Variants in CBLL1 observed in about 807,000 individuals in gnomAD.
CBLL1 encodes Cbl proto-oncogene like 1.
Under a neutral mutation model 44.9 loss-of-function variants are expected in CBLL1, and 4 were observed. The ratio of observed to expected loss-of-function variants is 0.09; its 90% CI spans 0.04 to 0.20. CBLL1 has a LOEUF of 0.20. Among genes scored for constraint, CBLL1 ranks in the 10% least tolerant of loss-of-function variants. The pLI, the probability that CBLL1 is intolerant of heterozygous loss-of-function variation, is 1.00. For synonymous variants in CBLL1, 235 were observed against 202.2 expected (o/e 1.16, Z -1.38); for missense variants, 569 against 636.7 (o/e 0.89, Z 1.14).
At chr7:107,750,177 G>T (rs1762087200) in intron 2 of CBLL1, among the ~76,000 whole-genome samples, 2 of 152,036 alleles carry the variant, frequency 1.3e-5, no homozygotes, top group African/African-American at 4.8e-5. Context: ...TTGAACTCCT[G>T]GACTCAACAG....
rs887747659 is a variant in CBLL1 at position 107,759,232 on chromosome 7, A to G, written c.*54A>G. The G allele has an allele frequency of 6.2e-6, 9 of 1,459,616 alleles. No individual in the cohort carries two copies. The highest frequency in any genetic ancestry group is 4.1e-5 in the Admixed American group (2 of 49,050). 90.4% of individuals were successfully genotyped at this position (1,459,616 alleles called of 1,614,324 possible). A position where few individuals can be genotyped will look rare whatever the true frequency, so the allele number is the denominator to read the frequency against. On this transcript the variant is annotated 3_prime_UTR_variant, in exon 6 of 6. Coordinates refer to ENST00000440859, the MANE Select transcript of CBLL1 (RefSeq NM_024814.4). ...GGGGAAAAAAACTTATGTGTAGTCA[A>G]TCTTTTAAGCTTTGACTGTTTTGGG...
chr7:107,744,221 G>A (rs1349210817), intron 1 of CBLL1, 45 bp downstream of exon 1: 1 of 1,531,202 alleles, frequency 6.5e-7, no homozygotes, highest in South Asian at 1.2e-5. Context: ...AAGCCCCCTT[G>A]GCCGGCCTGG....
intron 2 of CBLL1, among the ~76,000 whole-genome samples, chr7:107,749,552 C>G (rs1021143721): frequency 1.3e-5 from 2 of 149,938 alleles, no homozygotes; most frequent in African/African-American, 4.9e-5. Flanking sequence ...CTTGGACATA[C>G]AGTTTAGTAT....
At chr7:107,744,450 T>TG in intron 1 of CBLL1, 1 of 421,650 alleles carries the variant, frequency 2.4e-6, no homozygotes, top group Non-Finnish European at 4.2e-6. Flanking sequence ...GATGTAGGCC[T>TG]TCGGGAAGGG....
At chr7:107,748,569 A>G (rs1347159601) in intron 1 of CBLL1, among the ~76,000 whole-genome samples, 2 of 152,148 alleles carry the variant, frequency 1.3e-5, no homozygotes, top group Non-Finnish European at 1.5e-5. Flanking sequence ...TCTTGGGTTC[A>G]TTAATGGTTT....
chr7:107,755,680 A>G, intron 5 of CBLL1, 189 bp downstream of exon 5: 1 of 345,056 alleles, frequency 2.9e-6, no homozygotes, highest in Non-Finnish European at 5.4e-6. Context: ...AGCCACTATC[A>G]GTCAACTCAA....
intron 2 of CBLL1, among the ~76,000 whole-genome samples, chr7:107,751,407 A>G (rs1793286920): frequency 7.2e-6 from 1 of 139,284 alleles, no homozygotes; most frequent in African/African-American, 2.6e-5. Context: ...CCTGTATTAA[A>G]AGTATTTTTT....
intron 1 of CBLL1, among the ~76,000 whole-genome samples, chr7:107,745,222 C>A (rs1172564922): frequency 1.3e-5 from 2 of 151,658 alleles, no homozygotes; most frequent in African/African-American, 4.8e-5. Context: ...TTAATGTTTG[C>A]GGATTATTTT....
Position 107,753,620 on chromosome 7 carries a change from T to A in CBLL1, c.282+109T>A, listed in dbSNP as rs572397177. The A allele has an allele frequency of 6.5e-4, 396 of 606,770 alleles. 4 individuals carry two copies. In the African/African-American group the frequency reaches 6.9e-3, roughly 11 times the overall value. 37.6% of individuals were successfully genotyped at this position (606,770 alleles called of 1,614,324 possible). A position where few individuals can be genotyped will look rare whatever the true frequency, so the allele number is the denominator to read the frequency against. ...ACAGTACATTAAGAATATTATGAAC[T>A]TATAACTATGATTTTCAGCACATAC... On this transcript the variant is annotated intron_variant, in intron 3 of 5. Coordinates refer to ENST00000440859, the MANE Select transcript of CBLL1 (RefSeq NM_024814.4).
At chr7:107,757,175 A>G (rs1200935838) in intron 5 of CBLL1, among the ~76,000 whole-genome samples, 1 of 152,210 alleles carries the variant, frequency 6.6e-6, no homozygotes, top group Admixed American at 6.5e-5. Context: ...TTGCTTATAT[A>G]TGTACACACA....
chr7:107,759,295 A>AT lies in CBLL1; in HGVS notation c.*118dup, dbSNP rs1366358051. On this transcript the variant is annotated 3_prime_UTR_variant, in exon 6 of 6. Transcript: ENST00000440859. ...CTCTTATCGAGGTAGTATAAAACAC[A>AT]TAGGGTCTTGTTTCTTAAAATGGTT... 1.2e-6 allele frequency: 1 copy of AT among 843,302 alleles called. No individual in the cohort carries two copies. The highest frequency in any genetic ancestry group is 1.8e-6 in the Non-Finnish European group (1 of 548,926). The allele number at this position is 843,302 out of a possible 1,614,324, so 52.2% of individuals were successfully genotyped here.
At position 107,755,440 on chromosome 7, in the gene CBLL1, G is replaced by A; in HGVS notation, c.389G>A (p.Cys130Tyr). The A allele has an allele frequency of 6.3e-7, 1 of 1,582,436 alleles. No individual in the cohort carries two copies. The highest frequency in any genetic ancestry group is 8.6e-7 in the Non-Finnish European group (1 of 1,163,404). Reference sequence around the variant, plus strand: ...CAGATTCCATGCAAGCATGTTTTTTGCTATGACTGTGCTATTTTACATGAA... The same window carrying A: ...CAGATTCCATGCAAGCATGTTTTTTACTATGACTGTGCTATTTTACATGAA... ...GRMIPCKHVF[C>Y]YDCAILHEKK... is the part of the protein sequence containing the mutation. The change falls in exon 5 of 6, where the codon TGC becomes TAC. Residue 130 changes from cysteine to tyrosine, a missense_variant. Around this residue, in one of 5 missense-constraint regions of CBLL1, gnomAD observed 209 missense variants for 202.8 expected, o/e 1.03. Coordinates refer to ENST00000440859, the MANE Select transcript of CBLL1 (RefSeq NM_024814.4).
chr7:107,748,282 G>GTTTTTACTACTAAATGGTATAATGA (rs1308163163), intron 1 of CBLL1, among the ~76,000 whole-genome samples: 1 of 152,132 alleles, frequency 6.6e-6, no homozygotes, highest in Non-Finnish European at 1.5e-5. Context: ...ATTATTGCAT[G>GTTTTTACTACTAAATGGTATAATGA]TTTTTACTAC....
rs974100565 is a variant in CBLL1 at position 107,760,811 on chromosome 7, A to G, written c.*1633A>G. 6.6e-6 allele frequency: 1 copy of G among 152,206 alleles called. No homozygotes were observed. Among genetic ancestry groups the G allele is most frequent in the African/African-American group, 2.4e-5 (1 of 41,454 alleles). The allele number at this position is 152,206 out of a possible 1,614,324, so 9.4% of individuals were successfully genotyped here. On this transcript the variant is annotated 3_prime_UTR_variant, in exon 6 of 6. Transcript: ENST00000440859. Reference sequence around the variant, plus strand: ...AAACAAATTCTCATCTTGAATGATCAGATGCAAAATCATTTCTGAACCCTA... The same window carrying G: ...AAACAAATTCTCATCTTGAATGATCGGATGCAAAATCATTTCTGAACCCTA...
chr7:107,758,857 C>T lies in CBLL1; in HGVS notation c.1155C>T (p.Thr385=), dbSNP rs1242206916. The part of the protein sequence containing the change: ...PPMTSAPPPI[T]PPPGHIIAQM... ...TGACCTCTGCTCCACCACCAATAAC[C>T]CCTCCCCCTGGACATATTATTGCCC... The change falls in exon 6 of 6, where the codon ACC becomes ACT. Residue 385 remains threonine, a synonymous_variant. Coordinates refer to ENST00000440859, the MANE Select transcript of CBLL1 (RefSeq NM_024814.4). This position sits in a 1 kb window ranked among gnomAD's most constrained non-coding sequence, Gnocchi z 4.2. The T allele has an allele frequency of 6.2e-7, 1 of 1,613,842 alleles. No individual in the cohort carries two copies. Among genetic ancestry groups the T allele is most frequent in the Non-Finnish European group, 8.5e-7 (1 of 1,179,966 alleles).
chr7:107,749,610 T>C (rs2115619164), intron 2 of CBLL1, among the ~76,000 whole-genome samples: 1 of 152,022 alleles, frequency 6.6e-6, no homozygotes, highest in South Asian at 2.1e-4. Flanking sequence ...CCTTTTTTTT[T>C]TTTTTAAGAG....
rs759572488 is a variant in CBLL1, at chr7:107,758,166, T to C, written c.464T>C (p.Ile155Thr). The C allele has an allele frequency of 4.4e-6, 7 of 1,608,354 alleles. No homozygotes were observed. The highest frequency in any genetic ancestry group is 6.0e-6 in the Non-Finnish European group (7 of 1,175,526). The change falls in exon 6 of 6, where the codon ATT (isoleucine) becomes ACT (threonine). Residue 155 changes from isoleucine to threonine, a missense_variant. Ile to Thr is a moderately conservative substitution (Grantham distance 89, BLOSUM62 -1). Transcript: ENST00000440859. This position sits in a 1 kb window ranked among gnomAD's most constrained non-coding sequence, Gnocchi z 4.2. ...AGCTGTAGTGATCCTGTGCAGCGAA[T>C]TGAGCAGTGTACACGAGGTTCTCTC... is the stretch of plus-strand genomic sequence containing the variant. Reference protein sequence around the residue: ...CPGCSDPVQRIEQCTRGSLFM... With the variant: ...CPGCSDPVQRTEQCTRGSLFM...
At chr7:107,750,063 G>A (rs969048955) in intron 2 of CBLL1, among the ~76,000 whole-genome samples, 1 of 152,060 alleles carries the variant, frequency 6.6e-6, no homozygotes, top group East Asian at 1.9e-4. Context: ...TTCCACCTCA[G>A]TCTCCTGAGG....
rs1193088959 is a variant in CBLL1, at chr7:107,760,233, T to A, written c.*1055T>A. The A allele has an allele frequency of 6.6e-6, 1 of 152,308 alleles. No homozygotes were observed. The highest frequency in any genetic ancestry group is 1.9e-4 in the East Asian group (1 of 5,340). 9.4% of individuals were successfully genotyped at this position (152,308 alleles called of 1,614,324 possible). A position where few individuals can be genotyped will look rare whatever the true frequency, so the allele number is the denominator to read the frequency against. On this transcript the variant is annotated 3_prime_UTR_variant, in exon 6 of 6. Coordinates refer to ENST00000440859, the MANE Select transcript of CBLL1 (RefSeq NM_024814.4). ...ACAGTTTGAATGCCATGGAGGAATT[T>A]GAATAATATATTAATGAAGGACATA...
Sources: allele counts gnomAD v4.1 joint callset (sites outside exome capture counted in the v4.1 genomes callset), GRCh38; gene constraint gnomAD v4.1.1; regional missense constraint gnomAD v4.1.1; non-coding constraint Gnocchi (gnomAD v3.1); transcripts MANE v1.5; gene names NCBI Gene and HGNC (gene_info 2026-07-23, HGNC 2026-07-21).